Variants in CACNA1C observed in about 807,000 individuals in gnomAD.
CACNA1C encodes the protein calcium voltage-gated channel subunit alpha1 C.
A neutral mutation model predicts 229.0 loss-of-function variants in CACNA1C; 30 were observed. The observed-to-expected ratio is 0.13, with a 90% CI of 0.10 to 0.18. The LOEUF is 0.18. Among genes scored for constraint, CACNA1C ranks in the 10% least tolerant of loss-of-function variants. The probability of loss-of-function intolerance (pLI) is 1.00; values close to 1 mark genes in which losing one functional copy is unlikely to be tolerated. For synonymous variants in CACNA1C, 1,114 were observed against 1,132.5 expected (o/e 0.98, Z 0.33); for missense variants, 1,658 against 2,845.0 (o/e 0.58, Z 9.49).
In CACNA1C at chr12:2,109,407, C is replaced by T. The variant is rs531535916; in HGVS notation, c.50-5817C>T. On this transcript the variant is annotated intron_variant, in intron 1 of 46. Transcript: ENST00000399655. ...TGAGAAGGGATTGCCTAGCAAAGGG[C>T]AGAGGGAAGAACATGAAGGACATTC... Among the ~76,000 whole-genome samples, 12 of 152,248 alleles carry T rather than the reference C, an allele frequency of 7.9e-5. No individual in the cohort carries two copies. The South Asian group carries it at 2.3e-3, about 29-fold the overall frequency.
chr12:2,508,430 A>G (rs1266915264), intron 8 of CACNA1C, among the ~76,000 whole-genome samples: 1 of 152,248 alleles, frequency 6.6e-6, no homozygotes, highest in Non-Finnish European at 1.5e-5. Context: ...CAAGAGAATC[A>G]TGCGAAGCTA....
chr12:1,993,642 G>GTGTGTGTGTA (rs2040065756), intron 1 of CACNA1C, among the ~76,000 whole-genome samples: 1 of 148,548 alleles, frequency 6.7e-6, no homozygotes, highest in Non-Finnish European at 1.5e-5. Flanking sequence ...GTGTGTGTGT[G>GTGTGTGTGTA]TGTGTGTGTG....
chr12:2,461,487 G>A (rs1007007908), intron 5 of CACNA1C, among the ~76,000 whole-genome samples: 1 of 152,172 alleles, frequency 6.6e-6, no homozygotes, highest in East Asian at 1.9e-4. Context: ...GCCTCCTGGT[G>A]TTAAATATAA....
At chr12:2,179,794 C>T (rs575063201) in intron 3 of CACNA1C, among the ~76,000 whole-genome samples, 2 of 152,316 alleles carry the variant, frequency 1.3e-5, no homozygotes, top group Admixed American at 6.5e-5. Context: ...GCTTGCTCCA[C>T]GCTCATTGGA....
chr12:2,410,865 C>T lies in CACNA1C; in HGVS notation c.478-38111C>T, dbSNP rs1378487224. On this transcript the variant is annotated intron_variant, in intron 3 of 46. Transcript: ENST00000399655. The surrounding 1 kb of genome is among the most constrained non-coding windows in gnomAD (Gnocchi z 5.3). Reference sequence around the variant, plus strand: ...GAGCTGACCCTGGCTGTGAGGATGGCCTTCCTATCCTTCCCTTCTCCTGGC... The same window carrying T: ...GAGCTGACCCTGGCTGTGAGGATGGTCTTCCTATCCTTCCCTTCTCCTGGC... 6.6e-6 allele frequency among the ~76,000 whole-genome samples: 1 copy of T among 151,856 alleles called. No individual in the cohort carries two copies. Among genetic ancestry groups the T allele is most frequent in the Non-Finnish European group, 1.5e-5 (1 of 67,982 alleles).
chr12:2,182,294 G>A (rs571741279), intron 3 of CACNA1C, among the ~76,000 whole-genome samples: 17 of 152,146 alleles, frequency 1.1e-4, no homozygotes, highest in Non-Finnish European at 2.2e-4. Context: ...GTGAGAACAT[G>A]ACATTGTTAC....
At chr12:2,563,685 G>A (rs2048702283) in intron 11 of CACNA1C, among the ~76,000 whole-genome samples, 1 of 152,240 alleles carries the variant, frequency 6.6e-6, no homozygotes. Flanking sequence ...AAATGACAGA[G>A]TAGAAAGGTG....
intron 3 of CACNA1C, among the ~76,000 whole-genome samples, chr12:2,408,529 T>A (rs1412424429): frequency 6.6e-6 from 1 of 152,054 alleles, no homozygotes; most frequent in Non-Finnish European, 1.5e-5. Flanking sequence ...TTTTGATGTT[T>A]CTGGGTTCCC....
intron 3 of CACNA1C, among the ~76,000 whole-genome samples, chr12:2,435,853 T>C (rs2099129459): frequency 6.6e-6 from 1 of 152,160 alleles, no homozygotes; most frequent in African/African-American, 2.4e-5. Flanking sequence ...GCTTGCTGAA[T>C]GGGACAGCCT....
intron 3 of CACNA1C, among the ~76,000 whole-genome samples, chr12:2,397,918 C>T (rs1483127107): frequency 1.3e-5 from 2 of 152,236 alleles, no homozygotes; most frequent in Non-Finnish European, 2.9e-5. Flanking sequence ...AACAAGCGCC[C>T]TTGGCAGGCA....
Position 2,309,346 on chromosome 12 carries a change from G to T in CACNA1C, c.478-139630G>T, listed in dbSNP as rs536620368. Among the ~76,000 whole-genome samples the T allele has an allele frequency of 3.9e-5, 6 of 152,278 alleles. No individual in the cohort carries two copies. In the East Asian group the frequency reaches 1.2e-3, roughly 29 times the overall value. ...GTTGCCAGGGCTAAAGGGGCTTGGG[G>T]GAAGAGGTAATGGGAGATGGGGAAG... On this transcript the variant is annotated intron_variant, in intron 3 of 46. Coordinates refer to ENST00000399655, the MANE Select transcript of CACNA1C (RefSeq NM_000719.7).
At chr12:2,446,880 A>ATGGG (rs2099298827) in intron 3 of CACNA1C, among the ~76,000 whole-genome samples, 2 of 151,912 alleles carry the variant, frequency 1.3e-5, no homozygotes, top group Admixed American at 6.6e-5. Flanking sequence ...GGATGGATGG[A>ATGGG]TGGGTGGGCA....
At chr12:2,409,707 C>T (rs1360601503) in intron 3 of CACNA1C, among the ~76,000 whole-genome samples, 2 of 152,212 alleles carry the variant, frequency 1.3e-5, no homozygotes, top group East Asian at 1.9e-4. Context: ...CAGTCCCCCC[C>T]AAACCCCTTA....
chr12:2,291,622 G>A (rs974872692), intron 3 of CACNA1C, among the ~76,000 whole-genome samples: 2 of 152,194 alleles, frequency 1.3e-5, no homozygotes, highest in African/African-American at 2.4e-5. Context: ...AGTGGAGGGC[G>A]CAGGATTTGG....
intron 7 of CACNA1C, among the ~76,000 whole-genome samples, chr12:2,495,446 G>A (rs552813963): frequency 2.6e-5 from 4 of 152,328 alleles, no homozygotes; most frequent in Admixed American, 1.3e-4. Flanking sequence ...GAGGGTGGGT[G>A]GAGGGTAGGA....
chr12:2,219,063 T>G (rs1451146580), intron 3 of CACNA1C, among the ~76,000 whole-genome samples: 1 of 152,200 alleles, frequency 6.6e-6, no homozygotes, highest in Non-Finnish European at 1.5e-5. Flanking sequence ...CTGAGTTAGA[T>G]CAACAAATAT....
chr12:2,411,266 G>A (rs566610860), intron 3 of CACNA1C, among the ~76,000 whole-genome samples: 31 of 152,130 alleles, frequency 2.0e-4, no homozygotes, highest in Non-Finnish European at 4.3e-4. Context: ...ATGAAGGCAG[G>A]CCTTATATAG....
At chr12:2,456,916 G>T (rs1481757214) in intron 4 of CACNA1C, among the ~76,000 whole-genome samples, 1 of 152,260 alleles carries the variant, frequency 6.6e-6, no homozygotes, top group Non-Finnish European at 1.5e-5. Flanking sequence ...CACACCGCAG[G>T]TGTTCTTGTT....
At chr12:2,376,525 C>T (rs1203321132) in intron 3 of CACNA1C, among the ~76,000 whole-genome samples, 2 of 152,126 alleles carry the variant, frequency 1.3e-5, no homozygotes, top group African/African-American at 2.4e-5. Flanking sequence ...ACAGCTTAGG[C>T]GGACAGGTGG....
Sources: allele counts gnomAD v4.1 joint callset (sites outside exome capture counted in the v4.1 genomes callset), GRCh38; gene constraint gnomAD v4.1.1; non-coding constraint Gnocchi (gnomAD v3.1); transcripts MANE v1.5; gene names NCBI Gene and HGNC (gene_info 2026-07-23, HGNC 2026-07-21).